The following TDP1 variants were observed in gnomAD, a reference collection of about 807,000 sequenced individuals.
TDP1 encodes tyr-DNA phosphodiesterase 1.
In TDP1, 64 loss-of-function variants were observed where a neutral mutation model predicts 81.5. The ratio of observed to expected loss-of-function variants is 0.79; its 90% CI spans 0.64 to 0.97. The LOEUF is 0.97. TDP1 is among the 50% of genes least tolerant of loss of function. The pLI is 0.00. For synonymous variants in TDP1, 256 were observed against 264.3 expected, an observed-to-expected ratio of 0.97 and a Z score of 0.30; for missense variants, 723 against 743.8, an observed-to-expected ratio of 0.97 and a Z score of 0.33.
At chr14:90,025,235 C>A (rs1296977180) in intron 15 of TDP1, among the ~76,000 whole-genome samples, 1 of 152,222 alleles carries the variant, frequency 6.6e-6, no homozygotes, top group African/African-American at 2.4e-5. Context: ...TAGGACCTGT[C>A]ACTCTGGAAC....
At chr14:90,005,135 G>A (rs1237410323) in intron 14 of TDP1, among the ~76,000 whole-genome samples, 1 of 152,154 alleles carries the variant, frequency 6.6e-6, no homozygotes, top group Non-Finnish European at 1.5e-5. Context: ...CAGTCTTACT[G>A]GCCATGTGAA....
At chr14:90,028,780 C>A (rs949734179) in intron 15 of TDP1, among the ~76,000 whole-genome samples, 1 of 152,118 alleles carries the variant, frequency 6.6e-6, no homozygotes, top group African/African-American at 2.4e-5. Flanking sequence ...ATAGTTCAAA[C>A]CTTCTCATAT....
intron 5 of TDP1, among the ~76,000 whole-genome samples, chr14:89,969,552 AT>A (rs1893350241): frequency 6.6e-6 from 1 of 152,168 alleles, no homozygotes; most frequent in Admixed American, 6.5e-5. Flanking sequence ...TTGATCTAAC[AT>A]TTTTTATTTC....
chr14:89,957,184 A>G (rs1402025690), intron 2 of TDP1: 2 of 151,990 alleles, frequency 1.3e-5, no homozygotes, highest in South Asian at 4.1e-4. Context: ...GGTCACCCCT[A>G]TTTTTCTGTC....
In TDP1 at chr14:90,033,157, C is replaced by G; in HGVS notation, c.1696C>G (p.Pro566Ala). 1 of 1,613,360 alleles carries G rather than the reference C, an allele frequency of 6.2e-7. No individual in the cohort carries two copies. The highest frequency in any genetic ancestry group is 8.5e-7 in the Non-Finnish European group (1 of 1,179,478). ...KQKFFAGSQE[P>A]MATFPVPYDL... Reference sequence around the variant, plus strand: ...GAAGTTCTTCGCTGGCAGCCAGGAGCCAATGGCCACCTTTCCTGTGCCATA... The same window carrying G: ...GAAGTTCTTCGCTGGCAGCCAGGAGGCAATGGCCACCTTTCCTGTGCCATA... Residue 566 changes from proline (P) to alanine (A), a missense_variant, in exon 16 of 17, where the codon CCA becomes GCA. Physicochemically the swap from Pro to Ala is conservative, Grantham distance 27. Transcript: ENST00000335725.
At chr14:90,019,882 A>G (rs146440170) in intron 15 of TDP1, among the ~76,000 whole-genome samples, 9 of 152,250 alleles carry the variant, frequency 5.9e-5, no homozygotes, top group East Asian at 1.9e-4. Flanking sequence ...AATGGCATCA[A>G]CGTTGGAAAG....
intron 6 of TDP1, 33 bp from the exon 7 acceptor site, chr14:89,975,748 G>A: frequency 1.3e-6 from 2 of 1,587,394 alleles, no homozygotes; most frequent in South Asian, 2.2e-5. Flanking sequence ...TTAGTGAGTT[G>A]TTTTTAAATA....
chr14:90,021,499 A>G (rs1397520758), intron 15 of TDP1, among the ~76,000 whole-genome samples: 1 of 152,210 alleles, frequency 6.6e-6, no homozygotes, highest in East Asian at 1.9e-4. Context: ...AATGCTGATC[A>G]TGAAAATGCT....
intron 15 of TDP1, among the ~76,000 whole-genome samples, chr14:90,028,844 C>A (rs909347798): frequency 6.6e-6 from 1 of 152,156 alleles, no homozygotes; most frequent in Admixed American, 6.5e-5. Flanking sequence ...AGCCTCAGAT[C>A]TGGGCCCAGG....
At chr14:90,021,855 CAG>C (rs1336145981) in intron 15 of TDP1, among the ~76,000 whole-genome samples, 2 of 152,298 alleles carry the variant, frequency 1.3e-5, no homozygotes, top group East Asian at 3.9e-4. Context: ...AAGATTGTAA[CAG>C]ATTTTCCAAG....
At chr14:89,981,622 G>T (rs1231287136) in intron 8 of TDP1, 1 of 361,066 alleles carries the variant, frequency 2.8e-6, no homozygotes, top group Non-Finnish European at 5.4e-6. Context: ...GCCTAGCTTG[G>T]GCTAGAACTC....
At chr14:90,011,882 G>A (rs948526049) in intron 14 of TDP1, among the ~76,000 whole-genome samples, 5 of 152,236 alleles carry the variant, frequency 3.3e-5, no homozygotes, top group Non-Finnish European at 5.9e-5. Flanking sequence ...ATGTTCTGAG[G>A]ACTACAGAAA....
Position 89,967,379 on chromosome 14 carries a change from T to C in TDP1, c.616T>C (p.Phe206Leu). 1 of 1,614,118 alleles carries C rather than the reference T, an allele frequency of 6.2e-7. No homozygotes were observed. The highest frequency in any genetic ancestry group is 8.5e-7 in the Non-Finnish European group (1 of 1,179,950). The part of the protein sequence containing the change: ...LVSSAQFNYC[F>L]DVDWLVKQYP... ...TTCTCCCATCTAGTTTAACTACTGC[T>C]TTGACGTGGACTGGCTCGTAAAACA... Residue 206 changes from phenylalanine (F) to leucine (L), a missense_variant, in exon 5 of 17, where the codon TTT (phenylalanine) becomes CTT (leucine). Phe to Leu is a conservative substitution (Grantham distance 22). Transcript: ENST00000335725.
intron 14 of TDP1, chr14:90,018,790 T>G (rs1885618504): frequency 5.8e-6 from 1 of 171,360 alleles, no homozygotes; most frequent in Non-Finnish European, 1.2e-5. Context: ...ATATAAAACA[T>G]CATTCTGAAT....
intron 14 of TDP1, among the ~76,000 whole-genome samples, chr14:89,998,914 G>A (rs563787745): frequency 6.6e-6 from 1 of 152,144 alleles, no homozygotes; most frequent in Non-Finnish European, 1.5e-5. Context: ...GGTTGCCTGA[G>A]GCCTTATTAG....
intron 6 of TDP1, among the ~76,000 whole-genome samples, chr14:89,973,275 A>T (rs1309110522): frequency 6.6e-6 from 1 of 152,248 alleles, no homozygotes; most frequent in African/African-American, 2.4e-5. Flanking sequence ...ATCAAACCTT[A>T]TAGTGGGCAG....
chr14:89,986,709 C>T (rs1351309860), intron 10 of TDP1, among the ~76,000 whole-genome samples: 5 of 152,212 alleles, frequency 3.3e-5, no homozygotes, highest in Admixed American at 2.0e-4. Flanking sequence ...CTGAGCACTG[C>T]AGTAGAAACT....
chr14:89,997,176 A>G (rs1021163867), intron 14 of TDP1, among the ~76,000 whole-genome samples: 1 of 151,982 alleles, frequency 6.6e-6, no homozygotes, highest in Non-Finnish European at 1.5e-5. Context: ...TTCTTTCCCT[A>G]TTCACTGTGG....
intron 7 of TDP1, among the ~76,000 whole-genome samples, chr14:89,976,906 C>A (rs1202763311): frequency 6.6e-6 from 1 of 152,156 alleles, no homozygotes; most frequent in East Asian, 1.9e-4. Flanking sequence ...GTAATCCCAG[C>A]ACTTTGGGAG....
Sources: gnomAD v4.1 joint callset for allele counts (sites outside exome capture counted in the v4.1 genomes callset) on GRCh38, gnomAD v4.1.1 for gene constraint, MANE v1.5 for transcripts, NCBI Gene and HGNC (gene_info 2026-07-23, HGNC 2026-07-21) for gene names.